Variants in TEX11 observed in about 807,000 individuals in gnomAD.
The protein encoded by TEX11 is testis expressed 11.
A neutral mutation model predicts 84.4 loss-of-function variants in TEX11; 7 were observed. That is an observed-to-expected ratio of 0.08 (90% confidence interval 0.05 to 0.16). The LOEUF is 0.16. Ranked by LOEUF, TEX11 falls within the 10% of genes least tolerant of loss-of-function variation. The pLI is 1.00. For missense variants in TEX11, 551 were observed against 660.5 expected, an observed-to-expected ratio of 0.83 and a Z score of 1.82; for synonymous variants, 264 against 222.8, an observed-to-expected ratio of 1.18 and a Z score of -1.64.
chrX:70,647,250 G>T (rs967899907), intron 17 of TEX11, among the ~76,000 whole-genome samples: 4 of 111,950 alleles, frequency 3.6e-5, no homozygotes, highest in Non-Finnish European at 7.5e-5. Flanking sequence ...GGACTAAGGA[G>T]TCGGGGAGAT....
intron 20 of TEX11, among the ~76,000 whole-genome samples, chrX:70,615,710 C>T (rs2089310254): frequency 9.0e-6 from 1 of 111,209 alleles, no homozygotes; most frequent in Non-Finnish European, 1.9e-5. Flanking sequence ...TAGATTTAAC[C>T]CAAAGAAGAC....
At chrX:70,680,555 G>T (rs1238885176) in intron 14 of TEX11, among the ~76,000 whole-genome samples, 2 of 64,058 alleles carry the variant, frequency 3.1e-5, no homozygotes, top group Non-Finnish European at 6.3e-5. Flanking sequence ...CCCCCTCTGC[G>T]AGAAACACCC....
intron 8 of TEX11, among the ~76,000 whole-genome samples, chrX:70,811,853 G>A (rs757692417): frequency 2.7e-5 from 3 of 111,561 alleles, no homozygotes; most frequent in Non-Finnish European, 5.7e-5. Flanking sequence ...CATATCCTTT[G>A]CCCACTTGTT....
chrX:70,808,106 T>C (rs774629309), intron 8 of TEX11, among the ~76,000 whole-genome samples: 2 of 9,138 alleles, frequency 2.2e-4, no homozygotes, highest in African/African-American at 1.0e-3. Flanking sequence ...AGACTCTGTC[T>C]CAAAAAAAAA....
chrX:70,612,107 CA>C (rs1180712571), intron 20 of TEX11, among the ~76,000 whole-genome samples: 2 of 109,760 alleles, frequency 1.8e-5, no homozygotes, highest in Non-Finnish European at 3.8e-5. Flanking sequence ...CACTGCATTC[CA>C]GCCTGGGTGA....
At chrX:70,564,659 G>GT (rs1264478203) in intron 25 of TEX11, among the ~76,000 whole-genome samples, 3 of 105,238 alleles carry the variant, frequency 2.9e-5, no homozygotes, top group Non-Finnish European at 3.9e-5. Context: ...ACAGTGTTTG[G>GT]TTTTTTGTTC....
intron 28 of TEX11, among the ~76,000 whole-genome samples, chrX:70,542,908 G>A (rs2088065121): frequency 1.8e-5 from 2 of 112,354 alleles, no homozygotes; most frequent in African/African-American, 3.2e-5. Context: ...CAGGCTGGGC[G>A]CGGTGGCTCA....
rs749755001 is a variant in TEX11 at position 70,740,803 on chromosome X, G to GAA, written c.748-9_748-8dup. The GAA allele has an allele frequency of 1.1e-4, 101 of 879,851 alleles. No homozygotes were observed. Among genetic ancestry groups the GAA allele is most frequent in the South Asian group, 2.3e-4 (8 of 35,346 alleles). 72.5% of individuals were successfully genotyped at this position (879,851 alleles called of 1,213,427 possible). A position where few individuals can be genotyped will look rare whatever the true frequency, so the allele number is the denominator to read the frequency against. ...ATAGCCGTAGAACTTTAGCCTGTAA[G>GAA]AAAAAAAAAAAGAAAAAAAGCACAT... is the stretch of plus-strand genomic sequence containing the variant. On this transcript the variant is annotated splice_region_variant and splice_polypyrimidine_tract_variant and intron_variant, in intron 10 of 29. Coordinates refer to ENST00000374333, the MANE Select transcript of TEX11 (RefSeq NM_031276.3).
At chrX:70,738,237 C>T (rs2090710125) in intron 11 of TEX11, among the ~76,000 whole-genome samples, 2 of 111,401 alleles carry the variant, frequency 1.8e-5, no homozygotes, top group African/African-American at 3.3e-5. Flanking sequence ...CTACAAGGAA[C>T]TTAAACAAAT....
chrX:70,519,639 C>A, the TEX11 span, among the ~76,000 whole-genome samples: 1 of 111,581 alleles, frequency 9.0e-6, no homozygotes, highest in Admixed American at 9.5e-5. Flanking sequence ...CTCGGAATTT[C>A]CCCTGAATTT....
chrX:70,788,134 T>A (rs1351633778), intron 9 of TEX11, among the ~76,000 whole-genome samples: 3 of 111,769 alleles, frequency 2.7e-5, no homozygotes, highest in Non-Finnish European at 5.6e-5. Flanking sequence ...AAAATTCCAA[T>A]ATCAATTTTC....
At chrX:70,575,988 T>C (rs1276753381) in intron 25 of TEX11, among the ~76,000 whole-genome samples, 2 of 112,223 alleles carry the variant, frequency 1.8e-5, no homozygotes, top group African/African-American at 3.2e-5. Context: ...TTCTGACCTT[T>C]CTTTGCTGTA....
In TEX11 at chrX:70,708,889, A is replaced by G. The variant is rs55803444; in HGVS notation, c.1004+13729T>C. ...CAATATACCCATGTAACTAGGCTGC[A>G]TATGTGTCCCTTGTATCTAAAATAA... On this transcript the variant is annotated intron_variant, in intron 13 of 29. Transcript: ENST00000374333. 2.8e-5 allele frequency among the ~76,000 whole-genome samples: 3 copies of G among 108,601 alleles called. No individual in the cohort carries two copies. In the Admixed American group the frequency reaches 3.0e-4, roughly 11 times the overall value. The allele number at this position is 108,601 out of a possible 115,157, so 94.3% of individuals were successfully genotyped here. A position where few individuals can be genotyped will look rare whatever the true frequency, so the allele number is the denominator to read the frequency against.
intron 23 of TEX11, among the ~76,000 whole-genome samples, chrX:70,605,872 C>A (rs1460253619): frequency 9.0e-6 from 1 of 111,108 alleles, no homozygotes; most frequent in Non-Finnish European, 1.9e-5. Flanking sequence ...AGATTTCCAC[C>A]TTTGTATTGA....
intron 13 of TEX11, among the ~76,000 whole-genome samples, chrX:70,701,497 G>A (rs941800192): frequency 1.8e-5 from 2 of 111,938 alleles, no homozygotes; most frequent in Non-Finnish European, 3.8e-5. Flanking sequence ...ATTACTGCTC[G>A]TTGACAATGC....
chrX:70,691,411 CAA>C (rs1339468269), intron 13 of TEX11, among the ~76,000 whole-genome samples: 1 of 111,714 alleles, frequency 9.0e-6, no homozygotes, highest in Admixed American at 9.5e-5. Flanking sequence ...GGAAGTAACC[CAA>C]GTGTCCATTG....
At chrX:70,513,483 A>T in the TEX11 span, among the ~76,000 whole-genome samples, 1 of 106,857 alleles carries the variant, frequency 9.4e-6, no homozygotes, top group Non-Finnish European at 1.9e-5. Flanking sequence ...ATGGAATTTT[A>T]AAAATTTATT....
chrX:70,625,972 T>A (rs912627679), intron 18 of TEX11, among the ~76,000 whole-genome samples: 1 of 110,339 alleles, frequency 9.1e-6, no homozygotes, highest in Non-Finnish European at 1.9e-5. Context: ...GGTCTCGAAC[T>A]CCTGACCTCA....
rs561470895 is a variant in TEX11, at chrX:70,886,764, AT to A, written c.38-6656del. On this transcript the variant is annotated intron_variant, in intron 2 of 29. Coordinates refer to ENST00000374333, the MANE Select transcript of TEX11 (RefSeq NM_031276.3). Reference sequence around the variant, plus strand: ...CCTTTGAATAGAACAGGCTCAGAGAATAGAGCAAACCTAAACCTACAAACTG... The same window carrying A: ...CCTTTGAATAGAACAGGCTCAGAGAAAGAGCAAACCTAAACCTACAAACTG... 7.1e-5 allele frequency among the ~76,000 whole-genome samples: 8 copies of A among 111,889 alleles called. No homozygotes were observed. In the South Asian group the frequency reaches 3.0e-3, roughly 42 times the overall value.
Sources: allele counts gnomAD v4.1 joint callset (sites outside exome capture counted in the v4.1 genomes callset), GRCh38; gene constraint gnomAD v4.1.1; transcripts MANE v1.5; gene names NCBI Gene and HGNC (gene_info 2026-07-23, HGNC 2026-07-21).